HK2: variants seen among roughly 807,000 people sequenced by gnomAD.
The protein encoded by HK2 is hexokinase-2.
A neutral mutation model predicts 92.9 loss-of-function variants in HK2; 42 were observed. That is an observed-to-expected ratio of 0.45 (90% CI 0.35 to 0.58). HK2 has a LOEUF of 0.58. Among genes scored for constraint, HK2 ranks in the 20% least tolerant of loss-of-function variants. The pLI, the probability that HK2 is intolerant of heterozygous loss-of-function variation, is 0.00. For missense variants in HK2, 978 were observed against 1,245.1 expected (o/e 0.79, Z 3.23); for synonymous variants, 422 against 468.0 (o/e 0.90, Z 1.27).
intron 2 of HK2, among the ~76,000 whole-genome samples, chr2:74,855,422 C>T (rs916085276): frequency 3.3e-5 from 5 of 152,112 alleles, no homozygotes; most frequent in Non-Finnish European, 5.9e-5. Flanking sequence ...CAGGCTAGAG[C>T]GCAGTGGCGT....
intron 1 of HK2, among the ~76,000 whole-genome samples, chr2:74,840,605 C>T (rs530750808): frequency 1.5e-4 from 23 of 151,558 alleles, no homozygotes; most frequent in Non-Finnish European, 2.2e-4. Context: ...CGGTGGCTCA[C>T]GCCTGTAATC....
In HK2 at chr2:74,882,148, C is replaced by T. The variant is rs201342639; in HGVS notation, c.1748C>T (p.Ala583Val). The T allele has an allele frequency of 6.4e-5, 104 of 1,614,100 alleles. No individual in the cohort carries two copies. The highest frequency in any genetic ancestry group is 2.2e-4 in the East Asian group (10 of 44,886). The change falls in exon 12 of 18, where the codon GCG becomes GTG. Residue 583 changes from alanine (A) to valine (V), a missense_variant. By Grantham distance (64) the Ala-to-Val change is moderately conservative (BLOSUM62 0). Transcript: ENST00000290573. Reference protein sequence around the residue: ...ELFDHIVQCIADFLEYMGMKG... With the variant: ...ELFDHIVQCIVDFLEYMGMKG... ...TTTGACCACATTGTCCAGTGCATCG[C>T]GGACTTCCTCGAGTACATGGGCATG... is the stretch of plus-strand genomic sequence containing the variant.
At chr2:74,856,970 C>T (rs1376367074) in intron 2 of HK2, among the ~76,000 whole-genome samples, 1 of 152,182 alleles carries the variant, frequency 6.6e-6, no homozygotes, top group Non-Finnish European at 1.5e-5. Flanking sequence ...TTGGGGAGAA[C>T]TAATTATGGG....
chr2:74,854,419 C>A lies in HK2; in HGVS notation c.190C>A (p.Leu64Met), dbSNP rs1005328031. ...TTHPTAAVKM[L>M]PTFVRSTPDG... ...TCACCCTACTGCAGCAGTGAAGATG[C>A]TGCCCACCTTTGTGAGGTCCACTCC... is the stretch of plus-strand genomic sequence containing the variant. Residue 64 changes from leucine to methionine, a missense_variant, in exon 2 of 18, where the codon CTG becomes ATG. Transcript: ENST00000290573. 5.6e-6 allele frequency: 9 copies of A among 1,614,116 alleles called. No individual in the cohort carries two copies. The highest frequency in any genetic ancestry group is 7.6e-6 in the Non-Finnish European group (9 of 1,180,052).
intron 9 of HK2, 146 bp from the exon 10 acceptor site, chr2:74,880,119 C>A: frequency 1.2e-6 from 1 of 853,440 alleles, no homozygotes; most frequent in Non-Finnish European, 2.0e-6. Context: ...TAACTTGGGA[C>A]AGTGGAGAGA....
At position 74,840,904 on chromosome 2, in the gene HK2, A is replaced by AAAAAAAAAG. The variant is rs869156790; in HGVS notation, c.63+6261_63+6262insAAAAAAAAG. On this transcript the variant is annotated intron_variant, in intron 1 of 17. Coordinates refer to ENST00000290573, the MANE Select transcript of HK2 (RefSeq NM_000189.5). ...AAAAAAAAAAAAAAAAAAAAAAAAA[A>AAAAAAAAAG]GCTGTGGGGGTTGGGATGTGGCAAA... Among the ~76,000 whole-genome samples, 6 of 113,966 alleles carry AAAAAAAAAG rather than the reference A, an allele frequency of 5.3e-5. 2 individuals carry two copies. The highest frequency in any genetic ancestry group is 2.1e-4 in the African/African-American group (6 of 28,022). 74.8% of individuals were successfully genotyped at this position (113,966 alleles called of 152,430 possible). A position where few individuals can be genotyped will look rare whatever the true frequency, so the allele number is the denominator to read the frequency against.
chr2:74,855,007 T>C (rs1688661682), intron 2 of HK2, among the ~76,000 whole-genome samples: 1 of 152,162 alleles, frequency 6.6e-6, no homozygotes, highest in African/African-American at 2.4e-5. Context: ...CATATATATA[T>C]ATTTTTTTGA....
At chr2:74,845,375 G>A (rs1273344536) in intron 1 of HK2, among the ~76,000 whole-genome samples, 1 of 152,210 alleles carries the variant, frequency 6.6e-6, no homozygotes, top group South Asian at 2.1e-4. Context: ...ATGCATCTGG[G>A]ACATAATCCC....
chr2:74,848,398 G>A lies in HK2; in HGVS notation c.64-5895G>A, dbSNP rs191474223. Among the ~76,000 whole-genome samples the A allele has an allele frequency of 1.2e-3, 185 of 152,300 alleles. 1 individual carries two copies. Among genetic ancestry groups the A allele is most frequent in the Non-Finnish European group, 3.8e-4 (26 of 68,016 alleles). ...AAATTTACCATTTTAACCATTTTAA[G>A]TGTACAATTTAGTGGCATTAAGTGT... is the stretch of plus-strand genomic sequence containing the variant. On this transcript the variant is annotated intron_variant, in intron 1 of 17. Coordinates refer to ENST00000290573, the MANE Select transcript of HK2 (RefSeq NM_000189.5).
At chr2:74,890,398 A>G (rs1256409752) in intron 17 of HK2, among the ~76,000 whole-genome samples, 1 of 152,234 alleles carries the variant, frequency 6.6e-6, no homozygotes, top group African/African-American at 2.4e-5. Context: ...AGAAAATCAC[A>G]TTCATGAGTC....
At chr2:74,876,140 C>T (rs537648353) in intron 7 of HK2, among the ~76,000 whole-genome samples, 2 of 152,316 alleles carry the variant, frequency 1.3e-5, no homozygotes, top group Middle Eastern at 3.4e-3. Flanking sequence ...TTAAAATGCG[C>T]GCTGTCATCT....
intron 3 of HK2, 122 bp downstream of exon 3, chr2:74,867,906 C>T: frequency 8.9e-7 from 1 of 1,127,100 alleles, no homozygotes; most frequent in Non-Finnish European, 1.3e-6. Flanking sequence ...CTCATGGATG[C>T]CAGCACAGCT....
chr2:74,855,473 T>C (rs745771611), intron 2 of HK2, among the ~76,000 whole-genome samples: 21 of 152,148 alleles, frequency 1.4e-4, no homozygotes, highest in Admixed American at 3.3e-4. Flanking sequence ...TTTGACCTCG[T>C]ACCCGCCCAC....
At chr2:74,860,347 A>C (rs1252104759) in intron 2 of HK2, among the ~76,000 whole-genome samples, 2 of 152,200 alleles carry the variant, frequency 1.3e-5, no homozygotes, top group East Asian at 3.8e-4. Context: ...AACTAAAAAA[A>C]ACCTCCATCA....
chr2:74,871,827 C>A (rs28363000), intron 3 of HK2, among the ~76,000 whole-genome samples: 2,086 of 152,292 alleles, frequency 0.014, 49 homozygotes, highest in African/African-American at 0.046. Flanking sequence ...AACCACCCCC[C>A]ACCCCATCAC....
At chr2:74,882,605 T>TATATATATATATATATATATATATATATA (rs1553449960) in intron 12 of HK2, among the ~76,000 whole-genome samples, 1 of 75,658 alleles carries the variant, frequency 1.3e-5, no homozygotes, top group Admixed American at 1.2e-4. Context: ...TCTATTGAAC[T>TATATATATATATATATATATATATATATA]TATATATATA....
chr2:74,834,133 T>A lies in HK2; in HGVS notation c.-448T>A, dbSNP rs1688084604. Reference sequence around the variant, plus strand: ...GGCAGCCCCTCAATAAGCCACATTGTTGCATGAAACTCCGGCGCAGGAGTC... The same window carrying A: ...GGCAGCCCCTCAATAAGCCACATTGATGCATGAAACTCCGGCGCAGGAGTC... On this transcript the variant is annotated 5_prime_UTR_variant, in exon 1 of 18. In the 5' UTR this introduces an upstream ATG that the reference lacks. Transcript: ENST00000290573. This position sits in a 1 kb window ranked among gnomAD's most constrained non-coding sequence, Gnocchi z 4.2. 3.0e-6 allele frequency: 1 copy of A among 330,920 alleles called. No individual in the cohort carries two copies. Among genetic ancestry groups the A allele is most frequent in the African/African-American group, 2.2e-5 (1 of 45,772 alleles). 20.5% of individuals were successfully genotyped at this position (330,920 alleles called of 1,614,324 possible).
intron 1 of HK2, among the ~76,000 whole-genome samples, chr2:74,847,549 G>A (rs1266364175): frequency 6.6e-6 from 1 of 152,070 alleles, no homozygotes; most frequent in Admixed American, 6.6e-5. Flanking sequence ...AGCTGGGTAC[G>A]AGGGTGCATA....
At position 74,880,358 on chromosome 2, in the gene HK2, A is replaced by G; in HGVS notation, c.1359A>G (p.Ala453=). The change falls in exon 10 of 18, where the codon GCA becomes GCG. Residue 453 remains alanine (A), a synonymous_variant. Transcript: ENST00000290573. ...CCGAGGATGGCAGTGGCAAAGGTGC[A>G]GCCATGGTGACAGCAGTGGCTTACC... is the stretch of plus-strand genomic sequence containing the variant. ...LRSEDGSGKG[A]AMVTAVAYRL... 1 of 1,614,244 alleles carries G rather than the reference A, an allele frequency of 6.2e-7. No individual in the cohort carries two copies. The highest frequency in any genetic ancestry group is 8.5e-7 in the Non-Finnish European group (1 of 1,180,046).
Sources: gnomAD v4.1 joint callset for allele counts (sites outside exome capture counted in the v4.1 genomes callset) on GRCh38, gnomAD v4.1.1 for gene constraint, Gnocchi (gnomAD v3.1) non-coding constraint, MANE v1.5 for transcripts, NCBI Gene and HGNC (gene_info 2026-07-23, HGNC 2026-07-21) for gene names.